The following PCLO variants were observed in gnomAD, a reference collection of about 807,000 sequenced individuals.
PCLO encodes the protein protein piccolo.
PCLO carries 82 observed loss-of-function variants against 427.5 expected under a neutral mutation model. The ratio of observed to expected loss-of-function variants is 0.19; its 90% CI spans 0.16 to 0.23. PCLO has a LOEUF of 0.23. PCLO is among the 10% of genes least tolerant of loss of function. The pLI, the probability that PCLO is intolerant of heterozygous loss-of-function variation, is 1.00. For synonymous variants in PCLO, 2,357 were observed against 2,155.4 expected (o/e 1.09, Z -2.59); for missense variants, 6,239 against 6,115.9 (o/e 1.02, Z -0.67).
chr7:83,125,299 T>C (rs545882784), intron 3 of PCLO, among the ~76,000 whole-genome samples: 1,742 of 151,352 alleles, frequency 0.012, 11 homozygotes, highest in Middle Eastern at 0.024. Context: ...CGCCGCCCCC[T>C]CTGGAAGGTG....
intron 3 of PCLO, among the ~76,000 whole-genome samples, chr7:82,996,410 A>C (rs1350552670): frequency 3.3e-5 from 5 of 152,020 alleles, no homozygotes; most frequent in African/African-American, 7.2e-5. Context: ...TACTTAATGA[A>C]TATAGAAGTA....
intron 21 of PCLO, among the ~76,000 whole-genome samples, chr7:82,804,147 T>G (rs986834529): frequency 6.6e-6 from 1 of 152,174 alleles, no homozygotes; most frequent in African/African-American, 2.4e-5. Flanking sequence ...TTAAAGAATT[T>G]GTAGAAATTC....
intron 21 of PCLO, among the ~76,000 whole-genome samples, chr7:82,803,675 C>T (rs76360451): frequency 2.1e-5 from 1 of 47,522 alleles, no homozygotes. Context: ...TCTGGCTATA[C>T]ATTTTATAAT....
intron 22 of PCLO, among the ~76,000 whole-genome samples, chr7:82,766,202 G>T (rs1583950627): frequency 6.6e-6 from 1 of 151,968 alleles, no homozygotes; most frequent in African/African-American, 2.4e-5. Flanking sequence ...TGGCAGCCTT[G>T]GCTTATCACT....
intron 3 of PCLO, among the ~76,000 whole-genome samples, chr7:83,032,327 C>A (rs1263883283): frequency 6.6e-6 from 1 of 152,044 alleles, no homozygotes; most frequent in East Asian, 1.9e-4. Context: ...TCTAATGCAA[C>A]AGCACAAGGC....
At chr7:83,153,214 C>T (rs1181702713) in intron 2 of PCLO, among the ~76,000 whole-genome samples, 1 of 149,740 alleles carries the variant, frequency 6.7e-6, no homozygotes, top group Non-Finnish European at 1.5e-5. Context: ...TATATATAAA[C>T]ATATGTATAT....
intron 3 of PCLO, among the ~76,000 whole-genome samples, chr7:83,113,833 A>AAGC: frequency 6.6e-6 from 1 of 152,168 alleles, no homozygotes; most frequent in East Asian, 1.9e-4. Context: ...ACATTATGGA[A>AAGC]AGCAGGTCAT....
rs1469212872 is a variant in PCLO, at chr7:82,951,883, C to A, written c.9070G>T (p.Asp3024Tyr). ...DYSEGTDTAV[D>Y]LTSGRVTTGE... is the part of the protein sequence containing the mutation. Reference sequence around the variant, plus strand: ...GTAGTAACTCTCCCTGAAGTCAGATCTACTGCTGTGTCAGTTCCTTCAGAA... The same window carrying A: ...GTAGTAACTCTCCCTGAAGTCAGATATACTGCTGTGTCAGTTCCTTCAGAA... The change falls in exon 5 of 25, where the codon GAT (aspartate) becomes TAT (tyrosine). Residue 3024 changes from aspartate (D) to tyrosine (Y), a missense_variant. This residue lies in a region of PCLO where 4,677 missense variants were observed against 4,468.4 expected (regional missense o/e 1.05). Coordinates refer to ENST00000333891, the MANE Select transcript of PCLO (RefSeq NM_033026.6). The A allele has an allele frequency of 6.2e-7, 1 of 1,613,184 alleles. No homozygotes were observed. The highest frequency in any genetic ancestry group is 8.5e-7 in the Non-Finnish European group (1 of 1,179,514).
intron 3 of PCLO, among the ~76,000 whole-genome samples, chr7:83,072,266 T>C (rs1789837045): frequency 6.6e-6 from 1 of 152,056 alleles, no homozygotes; most frequent in Non-Finnish European, 1.5e-5. Context: ...CACTTAAGTA[T>C]TTTATGAAGA....
At position 82,864,265 on chromosome 7, in the gene PCLO, A is replaced by C. The variant is rs1258065184; in HGVS notation, c.13654+15072T>G. Among the ~76,000 whole-genome samples, 5 of 152,302 alleles carry C rather than the reference A, an allele frequency of 3.3e-5. No individual in the cohort carries two copies. The East Asian group carries it at 9.7e-4, about 29-fold the overall frequency. On this transcript the variant is annotated intron_variant, in intron 10 of 24. Coordinates refer to ENST00000333891, the MANE Select transcript of PCLO (RefSeq NM_033026.6). ...AATATTTAGTCAGTAAGTGCCAAAG[A>C]GAATACTAAATTCTGGGCCACTTAT... is the stretch of plus-strand genomic sequence containing the variant.
At chr7:83,143,786 T>C (rs749566521) in intron 2 of PCLO, among the ~76,000 whole-genome samples, 3 of 152,296 alleles carry the variant, frequency 2.0e-5, no homozygotes, top group South Asian at 2.1e-4. Flanking sequence ...TGAACTTACA[T>C]GCATTATGCA....
chr7:83,020,636 C>T (rs1032221712), intron 3 of PCLO, among the ~76,000 whole-genome samples: 1 of 152,104 alleles, frequency 6.6e-6, no homozygotes, highest in Non-Finnish European at 1.5e-5. Context: ...ACTTTCAATA[C>T]TCCTGACCTA....
intron 2 of PCLO, among the ~76,000 whole-genome samples, chr7:83,153,491 A>G (rs757772755): frequency 6.6e-6 from 1 of 152,130 alleles, no homozygotes; most frequent in African/African-American, 2.4e-5. Context: ...ATCATGATAG[A>G]TTTCATTTAT....
At chr7:83,086,603 C>A (rs543028207) in intron 3 of PCLO, among the ~76,000 whole-genome samples, 13 of 152,016 alleles carry the variant, frequency 8.6e-5, no homozygotes, top group African/African-American at 3.1e-4. Flanking sequence ...ATCATGAGTA[C>A]GGCATTAATC....
chr7:83,055,574 C>T (rs1200007806), intron 3 of PCLO, among the ~76,000 whole-genome samples: 1 of 151,988 alleles, frequency 6.6e-6, no homozygotes, highest in Non-Finnish European at 1.5e-5. Context: ...AAAGGCAGCC[C>T]ATTGCAAAGC....
Position 82,955,651 on chromosome 7 carries a change from G to A in PCLO, c.5302C>T (p.Pro1768Ser). 6.2e-7 allele frequency: 1 copy of A among 1,613,758 alleles called. No homozygotes were observed. Among genetic ancestry groups the A allele is most frequent in the Non-Finnish European group, 8.5e-7 (1 of 1,179,852 alleles). ...TCCTCTGAAGAATCTTCAATAGTAG[G>A]CAAAAGAGGGCCATGTGGTCTGTGC... ...ARHRPHGPLL[P>S]TIEDSSEEEE... Residue 1768 changes from proline to serine, a missense_variant, in exon 5 of 25, where the codon CCT (proline) becomes TCT (serine). By Grantham distance (74) the Pro-to-Ser change is moderately conservative. Transcript: ENST00000333891.
At chr7:82,852,435 C>T (rs1339398066) in intron 10 of PCLO, among the ~76,000 whole-genome samples, 2 of 152,112 alleles carry the variant, frequency 1.3e-5, no homozygotes, top group South Asian at 2.1e-4. Flanking sequence ...TGGAAAGAGC[C>T]GACCTGCTGA....
intron 16 of PCLO, among the ~76,000 whole-genome samples, chr7:82,830,754 T>C (rs1792074586): frequency 6.6e-6 from 1 of 151,988 alleles, no homozygotes; most frequent in Non-Finnish European, 1.5e-5. Context: ...CCATGTACTA[T>C]CACTAAAATT....
At chr7:82,883,960 G>T (rs1247641603) in intron 9 of PCLO, among the ~76,000 whole-genome samples, 1 of 152,010 alleles carries the variant, frequency 6.6e-6, no homozygotes, top group Non-Finnish European at 1.5e-5. Context: ...TGGTAGACAG[G>T]GGTTTTTGCC....
Sources: allele counts gnomAD v4.1 joint callset (sites outside exome capture counted in the v4.1 genomes callset), GRCh38; gene constraint gnomAD v4.1.1; regional missense constraint gnomAD v4.1.1; transcripts MANE v1.5; gene names NCBI Gene and HGNC (gene_info 2026-07-23, HGNC 2026-07-21).